The following CDH18 variants were observed in gnomAD, a reference collection of about 807,000 sequenced individuals.
CDH18 encodes the protein cadherin-18.
A neutral mutation model predicts 67.9 loss-of-function variants in CDH18; 31 were observed. That is an observed-to-expected ratio of 0.46 (90% CI 0.34 to 0.62). CDH18 has a LOEUF of 0.62. CDH18 is among the 20% of genes least tolerant of loss of function. The pLI is 0.01. For missense variants in CDH18, 890 were observed against 975.5 expected (o/e 0.91, Z 1.17); for synonymous variants, 362 against 347.2 (o/e 1.04, Z -0.48).
chr5:19,982,370 A>T (rs1473100500), intron 1 of CDH18, among the ~76,000 whole-genome samples: 2 of 152,054 alleles, frequency 1.3e-5, no homozygotes, highest in Non-Finnish European at 2.9e-5. Flanking sequence ...TATAAACAAC[A>T]CAGAAAAATC....
chr5:19,762,276 A>G (rs566283785), intron 3 of CDH18, among the ~76,000 whole-genome samples: 12 of 152,308 alleles, frequency 7.9e-5, no homozygotes, highest in African/African-American at 2.9e-4. Context: ...TCTGCACAGC[A>G]AAAGAAACTA....
At chr5:20,162,964 C>G (rs1321930747) in intron 2 of CDH18, among the ~76,000 whole-genome samples, 3 of 151,802 alleles carry the variant, frequency 2.0e-5, no homozygotes, top group African/African-American at 7.3e-5. Flanking sequence ...TAGGCTGGGG[C>G]CGGAGAATCG....
At chr5:19,528,211 C>T (rs1418029021) in intron 9 of CDH18, among the ~76,000 whole-genome samples, 1 of 151,530 alleles carries the variant, frequency 6.6e-6, no homozygotes, top group Admixed American at 6.6e-5. Context: ...TCTATCTTGG[C>T]CTATTTGTGT....
At chr5:20,009,607 A>G (rs1048371709) in intron 2 of CDH18, among the ~76,000 whole-genome samples, 7 of 152,150 alleles carry the variant, frequency 4.6e-5, no homozygotes, top group Non-Finnish European at 7.4e-5. Context: ...CGAAGTTTTC[A>G]CAATAGTGTA....
chr5:19,551,348 A>T (rs1026468890), intron 8 of CDH18, among the ~76,000 whole-genome samples: 3 of 152,152 alleles, frequency 2.0e-5, no homozygotes, highest in Non-Finnish European at 4.4e-5. Context: ...CAATTCCAGG[A>T]AAATTATTTC....
chr5:19,616,864 T>C (rs539075426), intron 5 of CDH18, among the ~76,000 whole-genome samples: 1 of 152,166 alleles, frequency 6.6e-6, no homozygotes, highest in African/African-American at 2.4e-5. Flanking sequence ...ATGGCCACCG[T>C]CTTACCATGT....
At chr5:19,737,802 T>C (rs568292328) in intron 4 of CDH18, among the ~76,000 whole-genome samples, 10 of 152,344 alleles carry the variant, frequency 6.6e-5, no homozygotes, top group East Asian at 1.9e-4. Context: ...TTAATTTATA[T>C]GCTTTGATTA....
intron 1 of CDH18, among the ~76,000 whole-genome samples, chr5:20,381,622 G>C (rs995028576): frequency 6.6e-6 from 1 of 152,116 alleles, no homozygotes; most frequent in Non-Finnish European, 1.5e-5. Flanking sequence ...AATGATGTGT[G>C]CTCAGTCTTA....
At chr5:20,478,449 A>G (rs1217025180) in intron 1 of CDH18, among the ~76,000 whole-genome samples, 3 of 152,014 alleles carry the variant, frequency 2.0e-5, no homozygotes, top group Non-Finnish European at 4.4e-5. Context: ...TTGAGTGAAC[A>G]TGGAAGGTGG....
At chr5:20,023,271 T>C (rs1738584216) in intron 2 of CDH18, among the ~76,000 whole-genome samples, 1 of 152,222 alleles carries the variant, frequency 6.6e-6, no homozygotes, top group African/African-American at 2.4e-5. Flanking sequence ...GCTTTGCCTG[T>C]GCTCAGGCTC....
intron 3 of CDH18, among the ~76,000 whole-genome samples, chr5:19,761,377 T>A (rs893174300): frequency 2.0e-4 from 31 of 152,176 alleles, no homozygotes; most frequent in Admixed American, 2.0e-3. Context: ...GTCAAAGGTA[T>A]TATGTATAGA....
At chr5:20,282,795 T>C (rs921972727) in intron 1 of CDH18, among the ~76,000 whole-genome samples, 1 of 152,082 alleles carries the variant, frequency 6.6e-6, no homozygotes. Context: ...CTAAAGTTTA[T>C]ATGAAACACA....
intron 2 of CDH18, among the ~76,000 whole-genome samples, chr5:19,954,688 A>G (rs950236622): frequency 2.0e-5 from 3 of 152,062 alleles, no homozygotes; most frequent in African/African-American, 7.2e-5. Context: ...AAATGCATAC[A>G]TATTTTTCAG....
At chr5:19,621,136 G>A (rs1750622831) in intron 5 of CDH18, among the ~76,000 whole-genome samples, 1 of 151,520 alleles carries the variant, frequency 6.6e-6, no homozygotes, top group Non-Finnish European at 1.5e-5. Flanking sequence ...TTAAAGAGGT[G>A]TAATTTGCCA....
chr5:20,159,431 G>T, intron 2 of CDH18, among the ~76,000 whole-genome samples: 1 of 152,232 alleles, frequency 6.6e-6, no homozygotes, highest in East Asian at 1.9e-4. Flanking sequence ...AGTAAAGTTC[G>T]ACTAAGCACA....
At chr5:20,165,603 T>A (rs2126628447) in intron 2 of CDH18, among the ~76,000 whole-genome samples, 1 of 152,256 alleles carries the variant, frequency 6.6e-6, no homozygotes, top group East Asian at 1.9e-4. Flanking sequence ...ATTCATCCAA[T>A]AGCTCTTATA....
chr5:20,111,145 T>C (rs1747423402), intron 2 of CDH18, among the ~76,000 whole-genome samples: 1 of 152,178 alleles, frequency 6.6e-6, no homozygotes, highest in Non-Finnish European at 1.5e-5. Flanking sequence ...AGTGAAACTT[T>C]TTAATTTTCT....
chr5:20,543,784 T>C (rs1757184781), intron 1 of CDH18, among the ~76,000 whole-genome samples: 2 of 152,166 alleles, frequency 1.3e-5, no homozygotes, highest in Non-Finnish European at 2.9e-5. Context: ...ATTCAGCTCA[T>C]TGCGTATAGG....
At chr5:20,333,439 G>A (rs1205026650) in intron 1 of CDH18, among the ~76,000 whole-genome samples, 19 of 150,240 alleles carry the variant, frequency 1.3e-4, no homozygotes, top group African/African-American at 3.9e-4. Flanking sequence ...CCCAAGAGGC[G>A]GAGGTTGCAG....
Sources: allele counts gnomAD v4.1 joint callset (sites outside exome capture counted in the v4.1 genomes callset), GRCh38; gene constraint gnomAD v4.1.1; transcripts MANE v1.5; gene names NCBI Gene and HGNC (gene_info 2026-07-23, HGNC 2026-07-21).